The following USH2A variants were observed in gnomAD, a reference collection of about 807,000 sequenced individuals.
The protein encoded by USH2A is usherin.
In USH2A, 443 loss-of-function variants were observed where a neutral mutation model predicts 538.9. The observed-to-expected ratio is 0.82, with a 90% CI of 0.76 to 0.89. The LOEUF is 0.89. Ranked by LOEUF, USH2A falls within the 40% of genes least tolerant of loss-of-function variation. USH2A has a pLI of 0.00. For synonymous variants in USH2A, 2,413 were observed against 2,273.5 expected (o/e 1.06, Z -1.75); for missense variants, 6,633 against 6,324.8 (o/e 1.05, Z -1.65).
chr1:216,333,051 T>C (rs1426295558), intron 4 of USH2A, among the ~76,000 whole-genome samples: 1 of 152,116 alleles, frequency 6.6e-6, no homozygotes, highest in Non-Finnish European at 1.5e-5. Flanking sequence ...ATTTTATATA[T>C]GTTCAAATAA....
intron 11 of USH2A, among the ~76,000 whole-genome samples, chr1:216,282,617 C>T (rs1013460772): frequency 6.6e-6 from 1 of 152,160 alleles, no homozygotes; most frequent in Admixed American, 6.5e-5. Flanking sequence ...CAGTACCATG[C>T]TGTCTTGATT....
At chr1:215,768,472 T>A (rs199969158) in intron 55 of USH2A, among the ~76,000 whole-genome samples, 1 of 73,842 alleles carries the variant, frequency 1.4e-5, no homozygotes, top group South Asian at 3.3e-4. Flanking sequence ...GCCCTTTGTA[T>A]TTTTTTTATC....
At chr1:216,049,363 T>C (rs555701577) in intron 30 of USH2A, among the ~76,000 whole-genome samples, 1 of 152,324 alleles carries the variant, frequency 6.6e-6, no homozygotes, top group Non-Finnish European at 1.5e-5. Context: ...TGTTCAGCAA[T>C]TAAAAGTATG....
At chr1:215,790,585 G>T (rs972927197) in intron 50 of USH2A, among the ~76,000 whole-genome samples, 8 of 152,152 alleles carry the variant, frequency 5.3e-5, no homozygotes, top group Non-Finnish European at 8.8e-5. Flanking sequence ...AACTGCCTGC[G>T]CATTTTGTGA....
chr1:215,724,220 AACACACAC>A (rs3049512), intron 61 of USH2A, among the ~76,000 whole-genome samples: 29 of 147,920 alleles, frequency 2.0e-4, no homozygotes, highest in South Asian at 6.5e-4. Context: ...TAGAATGTGA[AACACACAC>A]ACACACACAC....
At chr1:216,223,073 C>CA (rs982077074) in intron 14 of USH2A, among the ~76,000 whole-genome samples, 6 of 147,580 alleles carry the variant, frequency 4.1e-5, no homozygotes, top group African/African-American at 1.5e-4. Context: ...CCATAAGAAA[C>CA]ACAGGCCTGA....
intron 32 of USH2A, among the ~76,000 whole-genome samples, chr1:216,035,193 C>T (rs1433219670): frequency 1.3e-5 from 2 of 152,042 alleles, no homozygotes; most frequent in Admixed American, 1.3e-4. Context: ...TTGTGTTCTC[C>T]CCAAAATTCA....
chr1:216,120,945 C>A (rs61826892), intron 21 of USH2A, among the ~76,000 whole-genome samples: 13 of 131,442 alleles, frequency 9.9e-5, no homozygotes, highest in Non-Finnish European at 2.0e-4. Context: ...CTTTTACATC[C>A]CCAAACATTA....
At chr1:215,800,603 T>C (rs1034952468) in intron 49 of USH2A, among the ~76,000 whole-genome samples, 3 of 152,198 alleles carry the variant, frequency 2.0e-5, no homozygotes, top group African/African-American at 7.2e-5. Flanking sequence ...CTGGATATCC[T>C]AAAATTTGTT....
chr1:215,939,100 T>G (rs1300078629), intron 37 of USH2A, among the ~76,000 whole-genome samples: 1 of 152,202 alleles, frequency 6.6e-6, no homozygotes, highest in Admixed American at 6.5e-5. Flanking sequence ...AAAAACAATT[T>G]GAAAAATAAG....
At chr1:216,276,096 T>G (rs1270901608) in intron 11 of USH2A, among the ~76,000 whole-genome samples, 2 of 152,160 alleles carry the variant, frequency 1.3e-5, no homozygotes, top group Non-Finnish European at 2.9e-5. Context: ...TCCTTATTAC[T>G]TGTGTGATAT....
rs758621615 is a variant in USH2A at position 215,786,806 on chromosome 1, G to C, written c.10251C>G (p.Asp3417Glu). The C allele has an allele frequency of 1.2e-6, 2 of 1,613,242 alleles. No individual in the cohort carries two copies. Among genetic ancestry groups the C allele is most frequent in the South Asian group, 2.2e-5 (2 of 91,086 alleles). Residue 3417 changes from aspartate (D) to glutamate (E), a missense_variant, in exon 52 of 72, where the codon GAC (aspartate) becomes GAG (glutamate). Coordinates refer to ENST00000307340, the MANE Select transcript of USH2A (RefSeq NM_206933.4). ...MEATEHCGRCDFNFTSHICTV... is the reference protein window; with the variant it reads ...MEATEHCGRCEFNFTSHICTV... ...TGCAAATGTGGCTGGTAAAGTTGAA[G>C]TCACACCTGCCACAATGTTCTGTGG...
chr1:216,094,857 A>T (rs1275646539), intron 22 of USH2A, among the ~76,000 whole-genome samples: 1 of 152,102 alleles, frequency 6.6e-6, no homozygotes, highest in Non-Finnish European at 1.5e-5. Flanking sequence ...AAATTAACTT[A>T]CCTGTGGCCC....
chr1:215,827,862 C>A (rs1271679957), intron 47 of USH2A, among the ~76,000 whole-genome samples: 1 of 152,030 alleles, frequency 6.6e-6, no homozygotes, highest in East Asian at 1.9e-4. Context: ...AGAAATGTGG[C>A]CTTAATTTTT....
intron 4 of USH2A, among the ~76,000 whole-genome samples, chr1:216,354,428 G>C (rs997579082): frequency 6.6e-6 from 1 of 152,064 alleles, no homozygotes; most frequent in Admixed American, 6.6e-5. Flanking sequence ...CCAGATGTTG[G>C]AATTATCAAA....
chr1:215,739,521 C>T (rs1660243530), intron 60 of USH2A, among the ~76,000 whole-genome samples: 1 of 152,176 alleles, frequency 6.6e-6, no homozygotes. Flanking sequence ...ATTTGATGTG[C>T]TTTTCTCATG....
chr1:215,991,309 T>C (rs1394137339), intron 35 of USH2A, among the ~76,000 whole-genome samples: 1 of 152,126 alleles, frequency 6.6e-6, no homozygotes, highest in Non-Finnish European at 1.5e-5. Flanking sequence ...GACTAAAAAA[T>C]TTAGACTTTA....
intron 66 of USH2A, among the ~76,000 whole-genome samples, chr1:215,648,311 C>A (rs944643440): frequency 6.6e-6 from 1 of 152,144 alleles, no homozygotes; most frequent in African/African-American, 2.4e-5. Flanking sequence ...TCATTAGTTG[C>A]TTTTATGATT....
intron 30 of USH2A, among the ~76,000 whole-genome samples, chr1:216,059,655 C>T (rs1571924887): frequency 6.6e-6 from 1 of 152,296 alleles, no homozygotes; most frequent in South Asian, 2.1e-4. Flanking sequence ...AGGCAAGGCT[C>T]TACCAAGACA....
Sources: gnomAD v4.1 joint callset for allele counts (sites outside exome capture counted in the v4.1 genomes callset) on GRCh38, gnomAD v4.1.1 for gene constraint, MANE v1.5 for transcripts, NCBI Gene and HGNC (gene_info 2026-07-23, HGNC 2026-07-21) for gene names.